HDAC9: variants seen among roughly 807,000 people sequenced by gnomAD.
The protein encoded by HDAC9 is histone deacetylase 9.
A neutral mutation model predicts 139.4 loss-of-function variants in HDAC9; 41 were observed. The ratio of observed to expected loss-of-function variants is 0.29; its 90% CI spans 0.23 to 0.38. The LOEUF (loss-of-function observed/expected upper bound fraction) is 0.38, where lower values mean the gene tolerates loss of function less well. HDAC9 is among the 10% of genes least tolerant of loss of function. The pLI is 1.00. For missense variants in HDAC9, 1,147 were observed against 1,297.0 expected (o/e 0.88, Z 1.78); for synonymous variants, 517 against 476.2 (o/e 1.09, Z -1.12).
At chr7:18,714,161 G>A (rs1784539824) in intron 12 of HDAC9, among the ~76,000 whole-genome samples, 2 of 152,180 alleles carry the variant, frequency 1.3e-5, no homozygotes, top group Non-Finnish European at 2.9e-5. Flanking sequence ...TAGAGCTGGA[G>A]TACAAACCAA....
intron 1 of HDAC9, among the ~76,000 whole-genome samples, chr7:18,353,487 C>T (rs911589977): frequency 9.2e-5 from 14 of 152,174 alleles, no homozygotes; most frequent in African/African-American, 3.4e-4. Context: ...TGACTTTCTT[C>T]CCTCCCTCTG....
At chr7:18,271,828 C>T (rs1796376071) in intron 2 of HDAC9, among the ~76,000 whole-genome samples, 1 of 152,144 alleles carries the variant, frequency 6.6e-6, no homozygotes, top group Non-Finnish European at 1.5e-5. Context: ...AGGCAAAAAT[C>T]AGTCACGTCC....
At chr7:18,607,211 A>C (rs1402138393) in intron 6 of HDAC9, among the ~76,000 whole-genome samples, 1 of 152,234 alleles carries the variant, frequency 6.6e-6, no homozygotes, top group Non-Finnish European at 1.5e-5. Flanking sequence ...GCTAAGAGCA[A>C]GTATCAAATG....
At chr7:18,602,860 C>T (rs1218135374) in intron 6 of HDAC9, among the ~76,000 whole-genome samples, 2 of 152,040 alleles carry the variant, frequency 1.3e-5, no homozygotes, top group Non-Finnish European at 2.9e-5. Flanking sequence ...TGAGGTACAT[C>T]TTATGCCTCA....
intron 25 of HDAC9, among the ~76,000 whole-genome samples, chr7:18,982,210 C>A (rs1026170546): frequency 5.9e-5 from 9 of 152,188 alleles, no homozygotes; most frequent in Admixed American, 2.0e-4. Context: ...CAAACTTTTA[C>A]AGTAGTTTCC....
At chr7:18,397,961 T>TC (rs1248105141) in intron 1 of HDAC9, among the ~76,000 whole-genome samples, 2 of 152,152 alleles carry the variant, frequency 1.3e-5, no homozygotes, top group Non-Finnish European at 2.9e-5. Flanking sequence ...GCTGGCAAGA[T>TC]CCTGACCCTC....
At chr7:18,831,888 A>G (rs900557885) in intron 19 of HDAC9, among the ~76,000 whole-genome samples, 3 of 152,214 alleles carry the variant, frequency 2.0e-5, no homozygotes, top group Non-Finnish European at 4.4e-5. Context: ...TACAGCGCCA[A>G]TAGATGGCAA....
intron 1 of HDAC9, among the ~76,000 whole-genome samples, chr7:18,329,620 G>A (rs1035661397): frequency 6.6e-6 from 1 of 151,362 alleles, no homozygotes; most frequent in Non-Finnish European, 1.5e-5. Flanking sequence ...ACTGGTCTCT[G>A]ATATTCTGTG....
At chr7:18,339,245 T>A (rs924634301) in intron 1 of HDAC9, among the ~76,000 whole-genome samples, 1 of 151,462 alleles carries the variant, frequency 6.6e-6, no homozygotes, top group Non-Finnish European at 1.5e-5. Context: ...CTATTGTTTT[T>A]CTACTTTCTA....
At chr7:18,519,142 A>G (rs1371663489) in intron 2 of HDAC9, among the ~76,000 whole-genome samples, 2 of 152,236 alleles carry the variant, frequency 1.3e-5, no homozygotes, top group African/African-American at 2.4e-5. Context: ...AATATAGTTT[A>G]GACATTGTGC....
intron 25 of HDAC9, among the ~76,000 whole-genome samples, chr7:18,978,582 C>G (rs1440585285): frequency 6.6e-6 from 1 of 151,816 alleles, no homozygotes; most frequent in East Asian, 1.9e-4. Flanking sequence ...ATTGATGGGT[C>G]AACAAAACAA....
chr7:18,494,440 C>T (rs543378995), upstream of HDAC9, among the ~76,000 whole-genome samples: 3 of 152,108 alleles, frequency 2.0e-5, no homozygotes, highest in Non-Finnish European at 4.4e-5. Flanking sequence ...CCTCTCTTTC[C>T]CCTGTTGCTT....
chr7:18,646,652 C>T (rs964961294), intron 9 of HDAC9, among the ~76,000 whole-genome samples: 4 of 152,068 alleles, frequency 2.6e-5, no homozygotes, highest in African/African-American at 9.7e-5. Flanking sequence ...CTGAAAATTG[C>T]TTCGCCTCCC....
chr7:18,489,755 C>T (rs994609914), intron 1 of HDAC9, among the ~76,000 whole-genome samples: 4 of 152,022 alleles, frequency 2.6e-5, no homozygotes, highest in African/African-American at 4.8e-5. Flanking sequence ...TATCAAAAGA[C>T]TATTAAGTTT....
chr7:18,457,338 T>C (rs1175643508), intron 1 of HDAC9, among the ~76,000 whole-genome samples: 2 of 152,222 alleles, frequency 1.3e-5, no homozygotes, highest in Non-Finnish European at 2.9e-5. Flanking sequence ...GAACTGTCAT[T>C]AACTGAAAGG....
intron 17 of HDAC9, chr7:18,808,282 A>G (rs1467529202): frequency 1.3e-5 from 2 of 152,154 alleles, no homozygotes; most frequent in African/African-American, 4.8e-5. Flanking sequence ...TCACATACCA[A>G]TCTTTCTATT....
chr7:18,692,153 CTCT>C (rs528053333), intron 12 of HDAC9, among the ~76,000 whole-genome samples: 246 of 152,234 alleles, frequency 1.6e-3, no homozygotes, highest in African/African-American at 5.5e-3. Flanking sequence ...TGAACCATTA[CTCT>C]TCTTAAGAAT....
chr7:18,970,648 A>G (rs185547123), intron 24 of HDAC9, among the ~76,000 whole-genome samples: 1 of 152,276 alleles, frequency 6.6e-6, no homozygotes, highest in East Asian at 1.9e-4. Context: ...TTAAAAACGT[A>G]TTAAGTTTTA....
At chr7:18,809,633 A>G (rs1170634822) in intron 17 of HDAC9, among the ~76,000 whole-genome samples, 11 of 152,012 alleles carry the variant, frequency 7.2e-5, no homozygotes, top group Admixed American at 7.2e-4. Context: ...GATACTCAAC[A>G]TCGCTAATTA....
Sources: gnomAD v4.1 joint callset for allele counts (sites outside exome capture counted in the v4.1 genomes callset) on GRCh38, gnomAD v4.1.1 for gene constraint, MANE v1.5 for transcripts, NCBI Gene and HGNC (gene_info 2026-07-23, HGNC 2026-07-21) for gene names.